The following PLGRKT variants were observed in gnomAD, a reference collection of about 807,000 sequenced individuals.
The protein encoded by PLGRKT is plasminogen receptor with a C-terminal lysine, also known as plasminogen receptor (KT).
A neutral mutation model predicts 18.5 loss-of-function variants in PLGRKT; 22 were observed. The ratio of observed to expected loss-of-function variants is 1.19; its 90% CI spans 0.85 to 1.70. The LOEUF (loss-of-function observed/expected upper bound fraction) is 1.70, where lower values mean the gene tolerates loss of function less well. Among genes scored for constraint, PLGRKT ranks in the 40% most tolerant of loss-of-function variants. The pLI, the probability that PLGRKT is intolerant of heterozygous loss-of-function variation, is 0.00. For synonymous variants in PLGRKT, 72 were observed against 52.8 expected, an observed-to-expected ratio of 1.36 and a Z score of -1.58; for missense variants, 235 against 174.4, an observed-to-expected ratio of 1.35 and a Z score of -1.96.
chr9:5,382,808 G>C (rs1009595136), intron 3 of PLGRKT, among the ~76,000 whole-genome samples: 1 of 152,176 alleles, frequency 6.6e-6, no homozygotes, highest in African/African-American at 2.4e-5. Context: ...CCTTGAAGTA[G>C]GATGGCACAG....
chr9:5,386,037 G>C (rs1299796717), intron 3 of PLGRKT, among the ~76,000 whole-genome samples: 1 of 151,600 alleles, frequency 6.6e-6, no homozygotes, highest in Non-Finnish European at 1.5e-5. Context: ...GTATCTCCTG[G>C]CCCTGATCAC....
At chr9:5,381,812 T>A in intron 3 of PLGRKT, 1 of 903,530 alleles carries the variant, frequency 1.1e-6, no homozygotes, top group Non-Finnish European at 1.3e-6. Flanking sequence ...ACAATTGTAG[T>A]TTTAAAAAAT....
At chr9:5,396,386 A>G (rs554483805) in intron 3 of PLGRKT, among the ~76,000 whole-genome samples, 1 of 151,662 alleles carries the variant, frequency 6.6e-6, no homozygotes, top group Non-Finnish European at 1.5e-5. Context: ...CCCAGGTTCA[A>G]GTGATTCTCC....
intron 3 of PLGRKT, among the ~76,000 whole-genome samples, chr9:5,374,795 T>G (rs899580775): frequency 6.6e-6 from 1 of 152,242 alleles, no homozygotes; most frequent in Non-Finnish European, 1.5e-5. Flanking sequence ...TGGAAAATAA[T>G]ACTTCCAACA....
chr9:5,387,538 A>T (rs920793798), intron 3 of PLGRKT, among the ~76,000 whole-genome samples: 4 of 151,970 alleles, frequency 2.6e-5, no homozygotes, highest in Non-Finnish European at 5.9e-5. Flanking sequence ...TTAAGAAAAC[A>T]GACATAATAA....
chr9:5,435,321 T>TAAAAAAAAAAAA (rs61099125), intron 2 of PLGRKT, among the ~76,000 whole-genome samples: 1 of 127,776 alleles, frequency 7.8e-6, no homozygotes, highest in Non-Finnish European at 1.6e-5. Flanking sequence ...CAATAAATAC[T>TAAAAAAAAAAAA]AAAAAAAAAA....
intron 3 of PLGRKT, among the ~76,000 whole-genome samples, chr9:5,384,913 G>T (rs1817812722): frequency 6.6e-6 from 1 of 152,096 alleles, no homozygotes; most frequent in Admixed American, 6.6e-5. Context: ...TAATAATTTT[G>T]ATATGTGAAT....
Position 5,436,635 on chromosome 9 carries a change from G to C in PLGRKT, c.-73C>G, listed in dbSNP as rs1818965141. The C allele has an allele frequency of 6.6e-6, 1 of 152,254 alleles. No individual in the cohort carries two copies. The highest frequency in any genetic ancestry group is 2.4e-5 in the African/African-American group (1 of 41,454). The allele number at this position is 152,254 out of a possible 1,614,324, so 9.4% of individuals were successfully genotyped here. On this transcript the variant is annotated 5_prime_UTR_variant, in exon 2 of 6. Transcript: ENST00000223864. ...TGAATGTGTTAGAGGACGCTCCCAG[G>C]TGGAAGGGTTAAAGGTGGAAGCCAA... is the stretch of plus-strand genomic sequence containing the variant.
At chr9:5,424,612 TTATTATATTA>T (rs201043175) in intron 3 of PLGRKT, among the ~76,000 whole-genome samples, 1 of 133,214 alleles carries the variant, frequency 7.5e-6, no homozygotes, top group Non-Finnish European at 1.5e-5. Flanking sequence ...AATATATTAT[TTATTATATTA>T]TATTATATTA....
chr9:5,424,672 AT>A (rs1818656593), intron 3 of PLGRKT, among the ~76,000 whole-genome samples: 1 of 70,962 alleles, frequency 1.4e-5, no homozygotes, highest in African/African-American at 5.9e-5. Flanking sequence ...TATATTTTAT[AT>A]ATATATATAT....
chr9:5,438,211 A>T (rs1337013983), upstream of PLGRKT, among the ~76,000 whole-genome samples: 1 of 152,164 alleles, frequency 6.6e-6, no homozygotes, highest in African/African-American at 2.4e-5. Context: ...GACTGAAATT[A>T]CCCATTCTTT....
chr9:5,392,593 A>G (rs1034958298), intron 3 of PLGRKT: 13 of 152,050 alleles, frequency 8.5e-5, no homozygotes, highest in African/African-American at 3.1e-4. Flanking sequence ...TCCCCTACAT[A>G]CTAGCTGTGT....
chr9:5,379,019 G>C (rs1267488488), intron 3 of PLGRKT, among the ~76,000 whole-genome samples: 2 of 151,814 alleles, frequency 1.3e-5, no homozygotes, highest in East Asian at 3.9e-4. Context: ...CCATAGTACA[G>C]TAAAAGTATA....
intron 3 of PLGRKT, among the ~76,000 whole-genome samples, chr9:5,390,254 T>C (rs1326601664): frequency 1.3e-5 from 2 of 151,338 alleles, no homozygotes; most frequent in African/African-American, 4.9e-5. Flanking sequence ...TATATATATA[T>C]ATATTTGCCT....
rs900524407 is a variant in PLGRKT, at chr9:5,387,675, G to T, written c.82-25787C>A. Reference sequence around the variant, plus strand: ...GGCGGGAGGAAGCCTCCTGCGGGGGGGCTGGGAATGATCTATCTTTTGATC... The same window carrying T: ...GGCGGGAGGAAGCCTCCTGCGGGGGTGCTGGGAATGATCTATCTTTTGATC... On this transcript the variant is annotated intron_variant, in intron 3 of 5. Coordinates refer to ENST00000223864, the MANE Select transcript of PLGRKT (RefSeq NM_018465.4). Among the ~76,000 whole-genome samples the T allele has an allele frequency of 7.9e-5, 12 of 151,912 alleles. 2 individuals carry two copies. Among genetic ancestry groups the T allele is most frequent in the South Asian group, 2.1e-4 (1 of 4,822 alleles).
chr9:5,372,703 C>T (rs1817545446), intron 3 of PLGRKT, among the ~76,000 whole-genome samples: 1 of 152,180 alleles, frequency 6.6e-6, no homozygotes, highest in Non-Finnish European at 1.5e-5. Flanking sequence ...CCCACTTCCA[C>T]CTCCCAAGTC....
intron 3 of PLGRKT, among the ~76,000 whole-genome samples, chr9:5,395,075 T>C (rs1818019454): frequency 6.6e-6 from 1 of 150,472 alleles, no homozygotes; most frequent in Non-Finnish European, 1.5e-5. Flanking sequence ...AATATTACAC[T>C]TAGATTTTCC....
At chr9:5,381,255 C>A (rs1430945949) in intron 3 of PLGRKT, among the ~76,000 whole-genome samples, 1 of 152,226 alleles carries the variant, frequency 6.6e-6, no homozygotes, top group Non-Finnish European at 1.5e-5. Context: ...GCAGCCCCTC[C>A]CATTACAAAC....
At chr9:5,403,229 T>G (rs1320210302) in intron 3 of PLGRKT, among the ~76,000 whole-genome samples, 4 of 150,512 alleles carry the variant, frequency 2.7e-5, no homozygotes, top group Non-Finnish European at 1.5e-5. Flanking sequence ...TTTTTCTTTT[T>G]TTTTTTTTTT....
Sources: allele counts gnomAD v4.1 joint callset (sites outside exome capture counted in the v4.1 genomes callset), GRCh38; gene constraint gnomAD v4.1.1; transcripts MANE v1.5; gene names NCBI Gene and HGNC (gene_info 2026-07-23, HGNC 2026-07-21).